MARCHF1: variants seen among roughly 807,000 people sequenced by gnomAD.
MARCHF1 encodes the protein E3 ubiquitin-protein ligase MARCHF1.
A neutral mutation model predicts 54.2 loss-of-function variants in MARCHF1; 40 were observed. That is an observed-to-expected ratio of 0.74 (90% CI 0.57 to 0.96). The LOEUF (loss-of-function observed/expected upper bound fraction) is 0.96. Ranked by LOEUF, MARCHF1 falls within the 40% of genes least tolerant of loss-of-function variation. The pLI is 0.00. For missense variants in MARCHF1, 586 were observed against 656.5 expected, an observed-to-expected ratio of 0.89 and a Z score of 1.17; for synonymous variants, 236 against 236.3, an observed-to-expected ratio of 1.00 and a Z score of 0.01.
chr4:163,899,015 A>G (rs1750878821), intron 3 of MARCHF1, among the ~76,000 whole-genome samples: 1 of 152,192 alleles, frequency 6.6e-6, no homozygotes, highest in Non-Finnish European at 1.5e-5. Context: ...GATGGAAATA[A>G]TAGACACTAG....
At chr4:163,713,619 G>C (rs1312023380) in intron 4 of MARCHF1, among the ~76,000 whole-genome samples, 2 of 152,050 alleles carry the variant, frequency 1.3e-5, no homozygotes, top group Non-Finnish European at 2.9e-5. Flanking sequence ...TTATATTAAA[G>C]GCATAGCTGT....
intron 1 of MARCHF1, among the ~76,000 whole-genome samples, chr4:164,336,769 G>C (rs1016351657): frequency 6.6e-6 from 1 of 152,132 alleles, no homozygotes; most frequent in African/African-American, 2.4e-5. Flanking sequence ...AACTGAAAAA[G>C]ATCTGTCTCA....
intron 2 of MARCHF1, among the ~76,000 whole-genome samples, chr4:164,095,463 C>T (rs1375755251): frequency 1.3e-5 from 2 of 151,926 alleles, no homozygotes; most frequent in African/African-American, 4.8e-5. Context: ...CATTTTCACT[C>T]ATTTCTATTG....
chr4:164,081,234 A>C (rs1268198977), intron 2 of MARCHF1, among the ~76,000 whole-genome samples: 7 of 146,794 alleles, frequency 4.8e-5, no homozygotes, highest in African/African-American at 1.5e-4. Context: ...AAAAAAAAAA[A>C]AAAGAAATAT....
At chr4:164,086,359 C>A (rs1755191782) in intron 2 of MARCHF1, among the ~76,000 whole-genome samples, 1 of 151,786 alleles carries the variant, frequency 6.6e-6, no homozygotes, top group Admixed American at 6.6e-5. Context: ...TTGAGGAAAA[C>A]TTTTGTTTCA....
intron 1 of MARCHF1, among the ~76,000 whole-genome samples, chr4:164,171,987 G>A (rs1475924408): frequency 6.6e-6 from 1 of 152,136 alleles, no homozygotes; most frequent in African/African-American, 2.4e-5. Flanking sequence ...TGGCACCCAG[G>A]TCACTACGTC....
chr4:163,842,367 A>G (rs115011574), intron 4 of MARCHF1, among the ~76,000 whole-genome samples: 483 of 152,128 alleles, frequency 3.2e-3, no homozygotes, highest in Non-Finnish European at 5.2e-3. Context: ...ATATATATGT[A>G]TATATAAATA....
At chr4:164,089,339 T>C (rs1579523599) in intron 2 of MARCHF1, among the ~76,000 whole-genome samples, 1 of 152,160 alleles carries the variant, frequency 6.6e-6, no homozygotes. Flanking sequence ...TCATGGAAGA[T>C]GAACACATAC....
At chr4:163,642,371 G>T (rs1233702180) in intron 5 of MARCHF1, among the ~76,000 whole-genome samples, 1 of 152,046 alleles carries the variant, frequency 6.6e-6, no homozygotes, top group Non-Finnish European at 1.5e-5. Context: ...TTAACAGTCA[G>T]TGTTGATATT....
At chr4:163,544,592 C>T (rs747604372) in intron 9 of MARCHF1, among the ~76,000 whole-genome samples, 5 of 152,150 alleles carry the variant, frequency 3.3e-5, no homozygotes, top group African/African-American at 4.8e-5. Context: ...ACCTAGAGGG[C>T]GAGTGTGAGA....
chr4:164,100,821 A>G lies in MARCHF1; in HGVS notation c.-248+10767T>C, dbSNP rs141163550. ...TCCCAGCTTGAGCTACGCAGAAGAC[A>G]GGTGATTTCTGCATTTCCATCTGAG... On this transcript the variant is annotated intron_variant, in intron 2 of 9. Transcript: ENST00000514618. Among the ~76,000 whole-genome samples, 1,017 of 152,332 alleles carry G rather than the reference A, an allele frequency of 6.7e-3. 11 individuals carry two copies. Among genetic ancestry groups the G allele is most frequent in the African/African-American group, 0.023 (963 of 41,584 alleles).
intron 1 of MARCHF1, chr4:164,330,069 C>A (rs888016317): frequency 2.6e-5 from 4 of 151,300 alleles, no homozygotes; most frequent in Non-Finnish European, 5.9e-5. Context: ...CTTTGGGTGA[C>A]CACAGCAAAA....
intron 1 of MARCHF1, among the ~76,000 whole-genome samples, chr4:164,374,247 C>A (rs183470003): frequency 6.6e-6 from 1 of 151,960 alleles, no homozygotes; most frequent in Non-Finnish European, 1.5e-5. Flanking sequence ...CAGACGTCAA[C>A]ATTTTTTTAA....
intron 3 of MARCHF1, among the ~76,000 whole-genome samples, 184 bp downstream of exon 3, chr4:163,988,317 C>T (rs1752908370): frequency 6.6e-6 from 1 of 152,180 alleles, no homozygotes. Context: ...TCTTCATTCA[C>T]AAAATAGAGG....
At position 163,975,711 on chromosome 4, in the gene MARCHF1, G is replaced by A. The variant is rs370308893; in HGVS notation, c.-39+12790C>T. Among the ~76,000 whole-genome samples the A allele has an allele frequency of 4.6e-5, 7 of 152,166 alleles. No homozygotes were observed. The East Asian group carries it at 1.3e-3, about 29-fold the overall frequency. On this transcript the variant is annotated intron_variant, in intron 3 of 9. Transcript: ENST00000514618. ...AAACAAAGCCTTGTAAGGATCTTAAGAGCATCTCTGATTGGCCTCCTCTAT... is the reference window on the plus strand; with the variant it reads ...AAACAAAGCCTTGTAAGGATCTTAAAAGCATCTCTGATTGGCCTCCTCTAT...
chr4:164,003,686 T>C (rs1753229552), intron 2 of MARCHF1, among the ~76,000 whole-genome samples: 1 of 152,090 alleles, frequency 6.6e-6, no homozygotes, highest in Admixed American at 6.6e-5. Flanking sequence ...ACACTGCTAG[T>C]AGGAATGTAA....
At chr4:163,914,105 A>G (rs751487555) in intron 3 of MARCHF1, among the ~76,000 whole-genome samples, 33 of 151,712 alleles carry the variant, frequency 2.2e-4, no homozygotes, top group Non-Finnish European at 4.3e-4. Context: ...TTTTCCATAT[A>G]GAGAGTATAG....
chr4:164,371,763 GA>G (rs1389463696), intron 1 of MARCHF1, among the ~76,000 whole-genome samples: 1 of 152,112 alleles, frequency 6.6e-6, no homozygotes, highest in Non-Finnish European at 1.5e-5. Flanking sequence ...AACCAATATG[GA>G]AAGATAGATC....
At chr4:164,329,309 G>C (rs1287510176) in intron 1 of MARCHF1, among the ~76,000 whole-genome samples, 3 of 151,868 alleles carry the variant, frequency 2.0e-5, no homozygotes, top group Non-Finnish European at 4.4e-5. Flanking sequence ...AGAATAATAT[G>C]TATTTATATT....
Sources: allele counts gnomAD v4.1 joint callset (sites outside exome capture counted in the v4.1 genomes callset), GRCh38; gene constraint gnomAD v4.1.1; transcripts MANE v1.5; gene names NCBI Gene and HGNC (gene_info 2026-07-23, HGNC 2026-07-21).